The following PHACTR1 variants were observed in gnomAD, a reference collection of about 807,000 sequenced individuals.
PHACTR1 encodes the protein RPEL repeat containing 1.
A neutral mutation model predicts 69.2 loss-of-function variants in PHACTR1; 16 were observed. The observed-to-expected ratio is 0.23, with a 90% confidence interval of 0.16 to 0.35. The LOEUF is 0.35. Among genes scored for constraint, PHACTR1 ranks in the 10% least tolerant of loss-of-function variants. The pLI, the probability that PHACTR1 is intolerant of heterozygous loss-of-function variation, is 1.00. For synonymous variants in PHACTR1, 312 were observed against 284.5 expected, an observed-to-expected ratio of 1.10 and a Z score of -0.97; for missense variants, 510 against 734.7, an observed-to-expected ratio of 0.69 and a Z score of 3.54.
chr6:13,095,178 G>C (rs1397811579), intron 5 of PHACTR1, among the ~76,000 whole-genome samples: 1 of 152,208 alleles, frequency 6.6e-6, no homozygotes, highest in Non-Finnish European at 1.5e-5. Flanking sequence ...TTCTGTTTTT[G>C]AAGTGGCCTA....
At chr6:12,830,132 A>AGAAAGAAAGAAAGAAAGAAAGAAAGAAAG (rs1561923952) in intron 4 of PHACTR1, among the ~76,000 whole-genome samples, 5 of 147,226 alleles carry the variant, frequency 3.4e-5, no homozygotes, top group Non-Finnish European at 7.6e-5. Flanking sequence ...AAAGAAAGAA[A>AGAAAGAAAGAAAGAAAGAAAGAAAGAAAG]GAAAGAAAGA....
chr6:13,246,400 T>C lies in PHACTR1; in HGVS notation c.1391+16207T>C, dbSNP rs911921456. On this transcript the variant is annotated intron_variant, in intron 10 of 14. Coordinates refer to ENST00000332995, the MANE Select transcript of PHACTR1 (RefSeq NM_030948.6). This position sits in a 1 kb window ranked among gnomAD's most constrained non-coding sequence, Gnocchi z 4.2. ...TGAAATTAAATGTGCGAGCGAAAGA[T>C]GTTTCCCTACCTGGATGGCTGATGG... Among the ~76,000 whole-genome samples, 1 of 150,998 alleles carries C rather than the reference T, an allele frequency of 6.6e-6. No individual in the cohort carries two copies. Among genetic ancestry groups the C allele is most frequent in the African/African-American group, 2.4e-5 (1 of 41,324 alleles).
intron 4 of PHACTR1, among the ~76,000 whole-genome samples, chr6:12,999,556 G>A (rs1455146229): frequency 1.3e-5 from 2 of 152,120 alleles, no homozygotes; most frequent in Non-Finnish European, 2.9e-5. Context: ...CTGAGACGGC[G>A]CCACTGCACT....
intron 5 of PHACTR1, among the ~76,000 whole-genome samples, chr6:13,130,099 G>GTTC (rs1820177175): frequency 6.6e-6 from 1 of 152,052 alleles, no homozygotes; most frequent in Non-Finnish European, 1.5e-5. Flanking sequence ...AAAATTCTTT[G>GTTC]AGCTGAACAA....
Position 13,109,854 on chromosome 6 carries a change from G to GTGTGTGTGTC in PHACTR1, c.416-50342_416-50333dup, listed in dbSNP as rs1199166915. ...TCAGCGTGTGTGTGTGTGTGTGTGTGTGTGTGTGTCTGTGTGTTTCAGTTT... is the reference window on the plus strand; with the variant it reads ...TCAGCGTGTGTGTGTGTGTGTGTGTGTGTGTGTGTCTGTGTGTGTCTGTGTGTTTCAGTTT... On this transcript the variant is annotated intron_variant, in intron 5 of 14. Transcript: ENST00000332995. Among the ~76,000 whole-genome samples the GTGTGTGTGTC allele has an allele frequency of 4.0e-5, 6 of 149,074 alleles. No homozygotes were observed. In the East Asian group the frequency reaches 1.2e-3, roughly 29 times the overall value.
chr6:12,918,758 A>G (rs533673766), intron 4 of PHACTR1, among the ~76,000 whole-genome samples: 7 of 152,338 alleles, frequency 4.6e-5, no homozygotes, highest in African/African-American at 1.7e-4. Context: ...ATCAAAAAGC[A>G]CAATCCCAGC....
rs149919858 is a variant in PHACTR1, at chr6:13,156,105, C to G, written c.416-4099C>G. ...GAAGAGCATTAAAATCTCTTTCTGC[C>G]CTTCCACTTACAGCTGTGGTACTCT... On this transcript the variant is annotated intron_variant, in intron 5 of 14. Transcript: ENST00000332995. Among the ~76,000 whole-genome samples, 1,237 of 152,270 alleles carry G rather than the reference C, an allele frequency of 8.1e-3. 4 individuals are homozygous for G. Among genetic ancestry groups the G allele is most frequent in the Non-Finnish European group, 0.013 (900 of 68,018 alleles).
chr6:13,080,711 C>A (rs1811235525), intron 5 of PHACTR1, among the ~76,000 whole-genome samples: 4 of 151,958 alleles, frequency 2.6e-5, no homozygotes, highest in Admixed American at 1.3e-4. Flanking sequence ...CTTACATTGT[C>A]CTTGAGGATA....
intron 4 of PHACTR1, among the ~76,000 whole-genome samples, chr6:12,871,895 A>G (rs924587645): frequency 7.2e-5 from 11 of 152,040 alleles, no homozygotes; most frequent in African/African-American, 2.7e-4. Flanking sequence ...ACATTCCCTC[A>G]TCAAACATTT....
chr6:12,996,894 G>A lies in PHACTR1; in HGVS notation c.251-56471G>A, dbSNP rs186248118. 3.9e-3 allele frequency among the ~76,000 whole-genome samples: 597 copies of A among 152,234 alleles called. 2 individuals carry two copies. In the Middle Eastern group the frequency reaches 0.041, roughly 10 times the overall value. The stretch of plus-strand genomic sequence containing the variant: ...AATTTATAAATGTATGGCCGGGTGC[G>A]ATGGCTCACCCCTGTAATCCCAGCA... On this transcript the variant is annotated intron_variant, in intron 4 of 14. Transcript: ENST00000332995.
intron 4 of PHACTR1, among the ~76,000 whole-genome samples, chr6:12,821,062 C>T (rs1776148462): frequency 6.6e-6 from 1 of 152,166 alleles, no homozygotes; most frequent in Non-Finnish European, 1.5e-5. Flanking sequence ...CTTTAGTTTA[C>T]TTGTATTTGT....
intron 4 of PHACTR1, among the ~76,000 whole-genome samples, chr6:12,826,987 C>T (rs776055479): frequency 6.6e-6 from 1 of 152,136 alleles, no homozygotes; most frequent in Admixed American, 6.5e-5. Context: ...CTGTGGGATA[C>T]CCACTTTCCC....
chr6:12,827,661 G>A (rs1561920885), intron 4 of PHACTR1, among the ~76,000 whole-genome samples: 1 of 152,168 alleles, frequency 6.6e-6, no homozygotes, highest in Non-Finnish European at 1.5e-5. Context: ...AGAACCTGAT[G>A]TTTATGACAG....
chr6:12,772,595 A>G (rs1033086267), intron 4 of PHACTR1, among the ~76,000 whole-genome samples: 1 of 152,148 alleles, frequency 6.6e-6, no homozygotes, highest in Non-Finnish European at 1.5e-5. Flanking sequence ...TTTCTCTCCC[A>G]TAGTACTCAG....
At chr6:13,271,198 G>A (rs1382375583) in intron 10 of PHACTR1, among the ~76,000 whole-genome samples, 3 of 151,920 alleles carry the variant, frequency 2.0e-5, no homozygotes, top group Non-Finnish European at 4.4e-5. Flanking sequence ...TAATAGAGAC[G>A]GGGTTTCGCC....
At chr6:13,143,145 T>A (rs1583559599) in intron 5 of PHACTR1, among the ~76,000 whole-genome samples, 2 of 151,960 alleles carry the variant, frequency 1.3e-5, no homozygotes, top group Non-Finnish European at 2.9e-5. Flanking sequence ...TAGTTGAGGG[T>A]AGAAAGGAAG....
intron 5 of PHACTR1, among the ~76,000 whole-genome samples, chr6:13,086,310 A>C (rs186394131): frequency 6.6e-6 from 1 of 152,246 alleles, no homozygotes; most frequent in Non-Finnish European, 1.5e-5. Context: ...AGTAGTTTAA[A>C]AATCTTTATT....
At chr6:13,206,695 G>A (rs966152375) in intron 8 of PHACTR1, among the ~76,000 whole-genome samples, 9 of 152,180 alleles carry the variant, frequency 5.9e-5, no homozygotes, top group Non-Finnish European at 1.3e-4. Flanking sequence ...TGTCCTAGCA[G>A]CCCAAGGCAC....
intron 4 of PHACTR1, among the ~76,000 whole-genome samples, chr6:12,866,637 A>ATATTCACAAC (rs1475056580): frequency 1.3e-5 from 2 of 152,200 alleles, no homozygotes; most frequent in Admixed American, 6.5e-5. Context: ...TTGAGAAGTC[A>ATATTCACAAC]TATTCACAAC....
Sources: gnomAD v4.1 joint callset for allele counts (sites outside exome capture counted in the v4.1 genomes callset) on GRCh38, gnomAD v4.1.1 for gene constraint, Gnocchi (gnomAD v3.1) non-coding constraint, MANE v1.5 for transcripts, NCBI Gene and HGNC (gene_info 2026-07-23, HGNC 2026-07-21) for gene names.